Variants in ROCK1 observed in about 807,000 individuals in gnomAD.
The protein encoded by ROCK1 is rho-associated protein kinase 1.
A neutral mutation model predicts 196.8 loss-of-function variants in ROCK1; 36 were observed. The ratio of observed to expected loss-of-function variants is 0.18; its 90% CI spans 0.14 to 0.24. The LOEUF is 0.24. Among genes scored for constraint, ROCK1 ranks in the 10% least tolerant of loss-of-function variants. The pLI is 1.00. For synonymous variants in ROCK1, 443 were observed against 515.9 expected, an observed-to-expected ratio of 0.86 and a Z score of 1.91; for missense variants, 920 against 1,562.0, an observed-to-expected ratio of 0.59 and a Z score of 6.93.
rs1405201133 is a variant in ROCK1, at chr18:21,111,247, G to T, written c.-337C>A. On this transcript the variant is annotated 5_prime_UTR_variant, in exon 1 of 33. Coordinates refer to ENST00000399799, the MANE Select transcript of ROCK1 (RefSeq NM_005406.3). This position sits in a 1 kb window ranked among gnomAD's most constrained non-coding sequence, Gnocchi z 4.2. Reference sequence around the variant, plus strand: ...GCCCCGGCCGCCGTCGCCATGGAGGGGTCCCCGTCCCGAGATGGGCAGGAG... The same window carrying T: ...GCCCCGGCCGCCGTCGCCATGGAGGTGTCCCCGTCCCGAGATGGGCAGGAG... The T allele has an allele frequency of 4.1e-6, 2 of 485,844 alleles. No individual in the cohort carries two copies. The highest frequency in any genetic ancestry group is 4.0e-5 in the African/African-American group (2 of 49,578). 30.1% of individuals were successfully genotyped at this position (485,844 alleles called of 1,614,324 possible).
At chr18:21,006,224 A>C in intron 16 of ROCK1, 127 bp downstream of exon 16, 1 of 713,418 alleles carries the variant, frequency 1.4e-6, no homozygotes, top group Non-Finnish European at 2.3e-6. Context: ...GATTCCACTT[A>C]TATGATGATG....
intron 2 of ROCK1, among the ~76,000 whole-genome samples, chr18:21,063,595 G>A (rs2036309890): frequency 6.6e-6 from 1 of 152,152 alleles, no homozygotes; most frequent in African/African-American, 2.4e-5. Flanking sequence ...TAGAAGCTTA[G>A]ATAGCATCAA....
At chr18:21,054,609 T>C (rs1275733490) in intron 2 of ROCK1, among the ~76,000 whole-genome samples, 1 of 152,214 alleles carries the variant, frequency 6.6e-6, no homozygotes, top group Non-Finnish European at 1.5e-5. Context: ...TCATTGTTGC[T>C]GTAATCTACT....
intron 2 of ROCK1, among the ~76,000 whole-genome samples, chr18:21,068,858 C>CT (rs1317379287): frequency 6.6e-6 from 1 of 152,102 alleles, no homozygotes; most frequent in East Asian, 1.9e-4. Context: ...GTTCATGTAG[C>CT]TTTTTTGCAG....
intron 1 of ROCK1, among the ~76,000 whole-genome samples, chr18:21,095,047 T>A (rs980524598): frequency 3.2e-5 from 4 of 124,086 alleles, no homozygotes; most frequent in African/African-American, 1.4e-4. Flanking sequence ...GGAAACTCTG[T>A]CTCAAAAAAA....
Position 20,991,344 on chromosome 18 carries a change from G to A in ROCK1, c.1993-18C>T, listed in dbSNP as rs764445542. ...TTCTTTTCCTGTAAAATGGGAGTAG[G>A]AGTCATGTAATAAACTGTGCAGAAG... On this transcript the variant is annotated intron_variant, in intron 17 of 32. Transcript: ENST00000399799. 1.7e-5 allele frequency: 26 copies of A among 1,553,966 alleles called. No individual in the cohort carries two copies. The highest frequency in any genetic ancestry group is 2.2e-5 in the Non-Finnish European group (25 of 1,138,628).
intron 1 of ROCK1, among the ~76,000 whole-genome samples, chr18:21,081,274 G>A (rs906768834): frequency 7.2e-5 from 11 of 151,742 alleles, no homozygotes; most frequent in Non-Finnish European, 1.2e-4. Context: ...ATGGGTCAAA[G>A]AAAAAATCAT....
chr18:20,971,192 T>A (rs2035422555), intron 22 of ROCK1, among the ~76,000 whole-genome samples: 1 of 151,736 alleles, frequency 6.6e-6, no homozygotes, highest in Non-Finnish European at 1.5e-5. Flanking sequence ...CTGAACAGAG[T>A]AGGTGCTCAA....
At chr18:20,992,791 T>C (rs752366609) in intron 17 of ROCK1, 40 bp downstream of exon 17, 1 of 1,148,672 alleles carries the variant, frequency 8.7e-7, no homozygotes, top group Non-Finnish European at 1.3e-6. Context: ...TAATCAGTAA[T>C]TACTATTTTA....
intron 9 of ROCK1, among the ~76,000 whole-genome samples, chr18:21,031,785 G>A (rs556142825): frequency 6.6e-5 from 10 of 151,972 alleles, no homozygotes; most frequent in East Asian, 1.9e-4. Context: ...GAAAGAGATC[G>A]AAAATAGAAC....
chr18:20,962,719 T>A (rs1223652358), intron 27 of ROCK1, among the ~76,000 whole-genome samples: 1 of 152,068 alleles, frequency 6.6e-6, no homozygotes, highest in African/African-American at 2.4e-5. Flanking sequence ...GAAAATAAAT[T>A]AAATGAAGAA....
intron 22 of ROCK1, among the ~76,000 whole-genome samples, chr18:20,975,845 T>C (rs2035475445): frequency 6.6e-6 from 1 of 152,136 alleles, no homozygotes; most frequent in Admixed American, 6.5e-5. Context: ...TCTCCTGATA[T>C]TGTGATCCGC....
chr18:20,997,885 G>C (rs1220446010), intron 16 of ROCK1, among the ~76,000 whole-genome samples: 8 of 151,120 alleles, frequency 5.3e-5, no homozygotes, highest in Non-Finnish European at 7.4e-5. Context: ...CCCCAGGCTG[G>C]AGTACAAATG....
chr18:21,098,180 G>A (rs2036627520), intron 1 of ROCK1, among the ~76,000 whole-genome samples: 2 of 152,178 alleles, frequency 1.3e-5, no homozygotes, highest in African/African-American at 4.8e-5. Context: ...AAAAGCTGAA[G>A]AGATATTAGA....
chr18:21,100,409 A>C (rs539943216), intron 1 of ROCK1, among the ~76,000 whole-genome samples: 3 of 152,084 alleles, frequency 2.0e-5, no homozygotes, highest in South Asian at 4.1e-4. Flanking sequence ...AAAAAAAAAA[A>C]AACAAGGAAG....
intron 22 of ROCK1, among the ~76,000 whole-genome samples, 165 bp downstream of exon 22, chr18:20,979,745 C>A (rs1223080126): frequency 2.6e-5 from 4 of 151,940 alleles, no homozygotes. Context: ...CTGTTTTTTT[C>A]ACCATAAAGG....
intron 13 of ROCK1, among the ~76,000 whole-genome samples, chr18:21,012,136 A>T (rs544000333): frequency 1.3e-5 from 2 of 152,242 alleles, no homozygotes; most frequent in Non-Finnish European, 2.9e-5. Flanking sequence ...TTTTTAGTAA[A>T]GATGGGGTTT....
chr18:21,040,619 T>G (rs1254069160), intron 8 of ROCK1, among the ~76,000 whole-genome samples: 1 of 152,212 alleles, frequency 6.6e-6, no homozygotes. Context: ...AAGCTTTCAC[T>G]AACTCTCAAA....
intron 29 of ROCK1, among the ~76,000 whole-genome samples, chr18:20,957,927 C>CATA (rs2035261524): frequency 6.6e-6 from 1 of 152,094 alleles, no homozygotes; most frequent in South Asian, 2.1e-4. Context: ...GGATTAGAGG[C>CATA]ATAACCACTG....
Sources: allele counts gnomAD v4.1 joint callset (sites outside exome capture counted in the v4.1 genomes callset), GRCh38; gene constraint gnomAD v4.1.1; non-coding constraint Gnocchi (gnomAD v3.1); transcripts MANE v1.5; gene names NCBI Gene and HGNC (gene_info 2026-07-23, HGNC 2026-07-21).